The following TTC9 variants were observed in gnomAD, a reference collection of about 807,000 sequenced individuals.
TTC9 encodes tetratricopeptide repeat protein 9A.
A neutral mutation model predicts 22.9 loss-of-function variants in TTC9; 13 were observed. The ratio of observed to expected loss-of-function variants is 0.57; its 90% confidence interval spans 0.37 to 0.90. TTC9 has a LOEUF of 0.90. TTC9 is among the 40% of genes least tolerant of loss of function. The probability of loss-of-function intolerance (pLI) is 0.01; values close to 1 mark genes in which losing one functional copy is unlikely to be tolerated. For synonymous variants in TTC9, 148 were observed against 133.2 expected (o/e 1.11, Z -0.77); for missense variants, 280 against 291.8 (o/e 0.96, Z 0.29).
At chr14:70,649,444 T>G (rs1404480173) in intron 1 of TTC9, among the ~76,000 whole-genome samples, 2 of 90,610 alleles carry the variant, frequency 2.2e-5, no homozygotes, top group Admixed American at 1.9e-4. Flanking sequence ...TGAACTTATG[T>G]ATATATAATT....
chr14:70,669,711 G>C (rs189053183), intron 2 of TTC9, among the ~76,000 whole-genome samples: 1 of 151,062 alleles, frequency 6.6e-6, no homozygotes, highest in Non-Finnish European at 1.5e-5. Context: ...TTTATTTTCC[G>C]TACATAAATC....
intron 1 of TTC9, among the ~76,000 whole-genome samples, chr14:70,658,693 T>C (rs535373717): frequency 2.6e-5 from 4 of 152,338 alleles, no homozygotes; most frequent in Non-Finnish European, 4.4e-5. Flanking sequence ...TGAAATTCTT[T>C]CTCTTATGAT....
chr14:70,659,119 A>AACACACACAC (rs201172906), intron 1 of TTC9, among the ~76,000 whole-genome samples: 28 of 134,704 alleles, frequency 2.1e-4, no homozygotes, highest in African/African-American at 6.8e-4. Context: ...TATATAACTA[A>AACACACACAC]ACACACACAC....
chr14:70,645,434 AC>A (rs1885889436), intron 1 of TTC9, among the ~76,000 whole-genome samples: 4 of 152,234 alleles, frequency 2.6e-5, no homozygotes. Context: ...TCCTGTGTAT[AC>A]AATCAGGTAT....
intron 1 of TTC9, among the ~76,000 whole-genome samples, chr14:70,649,535 G>T (rs1482311888): frequency 6.6e-6 from 1 of 152,154 alleles, no homozygotes; most frequent in Non-Finnish European, 1.5e-5. Flanking sequence ...TCACATAGTG[G>T]TATATGGCAA....
At chr14:70,644,565 G>T (rs1463002009) in intron 1 of TTC9, among the ~76,000 whole-genome samples, 1 of 152,120 alleles carries the variant, frequency 6.6e-6, no homozygotes, top group Non-Finnish European at 1.5e-5. Context: ...ATACTTTGAT[G>T]CACAAAGTCA....
Position 70,667,426 on chromosome 14 carries a change from T to C in TTC9, c.407-138T>C. ...AAACTGGTCAGGGAGGCTAGGATTA[T>C]TGGAAGACAAATCCCAAGATGTAAA... is the stretch of plus-strand genomic sequence containing the variant. On this transcript the variant is annotated intron_variant, in intron 1 of 2. Transcript: ENST00000256367. 5 of 860,392 alleles carry C rather than the reference T, an allele frequency of 5.8e-6. No individual in the cohort carries two copies. The South Asian group carries it at 8.6e-5, about 15-fold the overall frequency. The allele number at this position is 860,392 out of a possible 1,614,324, so 53.3% of individuals were successfully genotyped here.
At chr14:70,661,224 C>T (rs1886141045) in intron 1 of TTC9, among the ~76,000 whole-genome samples, 1 of 152,124 alleles carries the variant, frequency 6.6e-6, no homozygotes, top group African/African-American at 2.4e-5. Flanking sequence ...GTCCAAATTT[C>T]TCCTTTTTAT....
intron 1 of TTC9, among the ~76,000 whole-genome samples, chr14:70,648,777 T>A (rs532232746): frequency 4.9e-4 from 75 of 152,304 alleles, no homozygotes; most frequent in African/African-American, 1.8e-3. Flanking sequence ...TTCACCCAGA[T>A]GATTAGTGTG....
At position 70,671,154 on chromosome 14, in the gene TTC9, A is replaced by G; in HGVS notation, c.668A>G (p.Ter223=). The change falls in exon 3 of 3, where the codon TAA becomes TGA. Residue 223 remains the stop codon, a stop_retained_variant. Coordinates refer to ENST00000256367, the MANE Select transcript of TTC9 (RefSeq NM_015351.2). ...RCSQREKEAM[*] ...TCCCAGAGAGAAAAAGAAGCCATGT[A>G]ACCAGGAAGCAGCTCCAGAGCTGCG... 2.5e-6 allele frequency: 4 copies of G among 1,613,204 alleles called. No homozygotes were observed. The highest frequency in any genetic ancestry group is 3.4e-6 in the Non-Finnish European group (4 of 1,179,458).
At chr14:70,671,055 G>A (rs1334660149) in intron 2 of TTC9, 21 bp from the exon 3 acceptor site, 2 of 1,611,582 alleles carry the variant, frequency 1.2e-6, no homozygotes, top group Non-Finnish European at 8.5e-7. Context: ...TGTTCCCTAA[G>A]GTTTATTTCT....
chr14:70,660,645 A>T (rs1886132839), intron 1 of TTC9, among the ~76,000 whole-genome samples: 1 of 152,188 alleles, frequency 6.6e-6, no homozygotes, highest in Non-Finnish European at 1.5e-5. Flanking sequence ...TGTGCTAGTG[A>T]GTGGCAGAGC....
intron 1 of TTC9, among the ~76,000 whole-genome samples, chr14:70,656,038 T>C (rs1317188951): frequency 6.6e-6 from 1 of 152,106 alleles, no homozygotes; most frequent in Non-Finnish European, 1.5e-5. Flanking sequence ...CATCTACGTG[T>C]GTGCCTGCTA....
intron 1 of TTC9, among the ~76,000 whole-genome samples, chr14:70,654,574 T>G (rs1191928812): frequency 1.2e-5 from 1 of 86,936 alleles, no homozygotes; most frequent in Non-Finnish European, 2.1e-5. Context: ...TGGGCAACAG[T>G]AAGGCTCTGT....
intron 1 of TTC9, among the ~76,000 whole-genome samples, chr14:70,657,376 A>C (rs991065885): frequency 6.6e-6 from 1 of 152,200 alleles, no homozygotes; most frequent in Non-Finnish European, 1.5e-5. Flanking sequence ...CCATGTGAAG[A>C]ATCAGAGGGA....
At chr14:70,644,964 T>C (rs1163290926) in intron 1 of TTC9, among the ~76,000 whole-genome samples, 1 of 151,932 alleles carries the variant, frequency 6.6e-6, no homozygotes, top group Non-Finnish European at 1.5e-5. Context: ...TACAAAAAAT[T>C]AGCCGGGTGT....
At chr14:70,661,725 C>T (rs1456809311) in intron 1 of TTC9, among the ~76,000 whole-genome samples, 2 of 152,136 alleles carry the variant, frequency 1.3e-5, no homozygotes, top group East Asian at 1.9e-4. Context: ...TAGGATTTTC[C>T]GTCTGTGTGC....
intron 1 of TTC9, among the ~76,000 whole-genome samples, chr14:70,665,884 C>T (rs1886208479): frequency 6.6e-6 from 1 of 152,088 alleles, no homozygotes; most frequent in South Asian, 2.1e-4. Flanking sequence ...GTGGAAAAGT[C>T]TGGGCACAAA....
In TTC9 at chr14:70,654,729, C is replaced by G. The variant is rs188765179; in HGVS notation, c.406+12194C>G. Among the ~76,000 whole-genome samples the G allele has an allele frequency of 3.5e-4, 53 of 151,778 alleles. No individual in the cohort carries two copies. In the Middle Eastern group the frequency reaches 0.024, roughly 68 times the overall value. ...GAGTTTAATTGAGCAAAGAATGACT[C>G]GTGAATCGGGCAGCCTCCCAAGCCC... On this transcript the variant is annotated intron_variant, in intron 1 of 2. Transcript: ENST00000256367.
Sources: allele counts gnomAD v4.1 joint callset (sites outside exome capture counted in the v4.1 genomes callset), GRCh38; gene constraint gnomAD v4.1.1; transcripts MANE v1.5; gene names NCBI Gene and HGNC (gene_info 2026-07-23, HGNC 2026-07-21).